The following LSM14B variants were observed in gnomAD, a reference collection of about 807,000 sequenced individuals.
LSM14B encodes the protein protein LSM14 homolog B.
In LSM14B, 8 loss-of-function variants were observed where a neutral mutation model predicts 42.1. The observed-to-expected ratio is 0.19, with a 90% CI of 0.11 to 0.34. The LOEUF (loss-of-function observed/expected upper bound fraction) is 0.34, where lower values mean the gene tolerates loss of function less well. Ranked by LOEUF, LSM14B falls within the 10% of genes least tolerant of loss-of-function variation. The pLI is 1.00. For missense variants in LSM14B, 396 were observed against 513.1 expected (o/e 0.77, Z 2.21); for synonymous variants, 219 against 209.7 (o/e 1.04, Z -0.38).
chr20:62,127,574 T>C (rs1350989956), intron 3 of LSM14B: 2 of 1,538,434 alleles, frequency 1.3e-6, no homozygotes, highest in Non-Finnish European at 1.8e-6. Context: ...TTCTCCTTTA[T>C]CTTCCTTTAG....
At position 62,130,139 on chromosome 20, in the gene LSM14B, G is replaced by A; in HGVS notation, c.596-80G>A. On this transcript the variant is annotated intron_variant, in intron 4 of 8. Coordinates refer to ENST00000279068, the MANE Select transcript of LSM14B (RefSeq NM_144703.3). The surrounding 1 kb of genome is among the most constrained non-coding windows in gnomAD (Gnocchi z 4.1). The stretch of plus-strand genomic sequence containing the variant: ...CGCCCTGGCCGCGTGCCCCATGGTG[G>A]TGGGGCCTGCTTCCACAGCTGGGTT... 3 of 1,517,228 alleles carry A rather than the reference G, an allele frequency of 2.0e-6. No individual in the cohort carries two copies. The highest frequency in any genetic ancestry group is 2.7e-6 in the Non-Finnish European group (3 of 1,117,982). The allele number at this position is 1,517,228 out of a possible 1,614,324, so 94.0% of individuals were successfully genotyped here.
At chr20:62,124,873 A>T in intron 2 of LSM14B, 93 bp downstream of exon 2, 9 of 1,225,520 alleles carry the variant, frequency 7.3e-6, no homozygotes, top group Non-Finnish European at 8.7e-6. Flanking sequence ...GCTCAATGTG[A>T]GGAATAACCT....
In LSM14B at chr20:62,131,416, C is replaced by T. The variant is rs367612795; in HGVS notation, c.896C>T (p.Ala299Val). The change falls in exon 7 of 9, where the codon GCG (alanine) becomes GTG (valine). Residue 299 changes from alanine to valine, a missense_variant. Physicochemically the swap from Ala to Val is moderately conservative, Grantham distance 64. Coordinates refer to ENST00000279068, the MANE Select transcript of LSM14B (RefSeq NM_144703.3). The part of the protein sequence containing the change: ...DLAVVTQSAE[A>V]PAEEDLLGPN... The stretch of plus-strand genomic sequence containing the variant: ...GCTGTGGTGACCCAGAGTGCCGAAG[C>T]GCCCGCTGAGGAAGACCTTCTGGGG... The T allele has an allele frequency of 2.4e-5, 38 of 1,613,362 alleles. No homozygotes were observed. The highest frequency in any genetic ancestry group is 5.3e-5 in the African/African-American group (4 of 75,052).
intron 1 of LSM14B, chr20:62,123,027 C>G (rs927856985): frequency 8.5e-6 from 2 of 235,922 alleles, no homozygotes; most frequent in Non-Finnish European, 1.6e-5. Context: ...ACAATGGTCT[C>G]CCTGGGCTCC....
Position 62,122,836 on chromosome 20 carries a change from C to T in LSM14B, c.127+43C>T, listed in dbSNP as rs373503997. On this transcript the variant is annotated intron_variant, in intron 1 of 8. Transcript: ENST00000279068. This position sits in a 1 kb window ranked among gnomAD's most constrained non-coding sequence, Gnocchi z 4.6. Reference sequence around the variant, plus strand: ...CCCGAGCCCGCTGACCCCCGTCCGCCAACAGCCCCGGCCTGCGGTGCCCTC... The same window carrying T: ...CCCGAGCCCGCTGACCCCCGTCCGCTAACAGCCCCGGCCTGCGGTGCCCTC... 69 of 1,449,676 alleles carry T rather than the reference C, an allele frequency of 4.8e-5. No individual in the cohort carries two copies. Among genetic ancestry groups the T allele is most frequent in the Non-Finnish European group, 6.0e-5 (65 of 1,086,550 alleles). The allele number at this position is 1,449,676 out of a possible 1,614,324, so 89.8% of individuals were successfully genotyped here.
At position 62,134,165 on chromosome 20, in the gene LSM14B, T is replaced by C; in HGVS notation, c.*17T>C. 2.2e-6 allele frequency: 1 copy of C among 459,998 alleles called. No homozygotes were observed. Among genetic ancestry groups the C allele is most frequent in the Admixed American group, 2.5e-5 (1 of 40,680 alleles). 28.5% of individuals were successfully genotyped at this position (459,998 alleles called of 1,614,324 possible). A position where few individuals can be genotyped will look rare whatever the true frequency, so the allele number is the denominator to read the frequency against. ...TGACTTCCTGTCATCTCTTGCAGGC[T>C]CCTACTGAAGTGGCGCATAACTGAC... On this transcript the variant is annotated splice_region_variant and 3_prime_UTR_variant, in exon 9 of 9. Coordinates refer to ENST00000279068, the MANE Select transcript of LSM14B (RefSeq NM_144703.3).
intron 3 of LSM14B, among the ~76,000 whole-genome samples, chr20:62,129,447 A>T (rs1379872053): frequency 6.6e-6 from 1 of 152,138 alleles, no homozygotes; most frequent in East Asian, 1.9e-4. Flanking sequence ...GTTTTAAGAA[A>T]GCTGTTTCCA....
chr20:62,127,435 C>A, intron 3 of LSM14B: 1 of 632,494 alleles, frequency 1.6e-6, no homozygotes. Context: ...GCCTTCCCAG[C>A]CCAGCTCTCT....
rs371810932 is a variant in LSM14B, at chr20:62,126,448, C to T, written c.427+9C>T. The T allele has an allele frequency of 3.1e-6, 5 of 1,606,212 alleles. No individual in the cohort carries two copies. The highest frequency in any genetic ancestry group is 4.2e-6 in the Non-Finnish European group (5 of 1,179,474). On this transcript the variant is annotated intron_variant, in intron 3 of 8. Transcript: ENST00000279068. ...CGCCTCCCTGGGTCTAGGTGAGTGA[C>T]CTGTTTCTGTCTGGTAAACTACCCT...
chr20:62,124,868 A>G (rs1437650588), intron 2 of LSM14B, 88 bp downstream of exon 2: 2 of 1,317,824 alleles, frequency 1.5e-6, no homozygotes, highest in Non-Finnish European at 2.0e-6. Context: ...AGAACGCTCA[A>G]TGTGAGGAAT....
At chr20:62,132,511 C>T (rs2056795694) in intron 7 of LSM14B, among the ~76,000 whole-genome samples, 1 of 152,204 alleles carries the variant, frequency 6.6e-6, no homozygotes, top group Admixed American at 6.5e-5. Context: ...TGGAACCAGG[C>T]AGTGGTGGTG....
intron 6 of LSM14B, 31 bp from the exon 7 acceptor site, chr20:62,131,325 C>G (rs764281926): frequency 6.4e-7 from 1 of 1,561,476 alleles, no homozygotes; most frequent in Admixed American, 1.9e-5. Context: ...TGCCCCTCCT[C>G]CATCTCCACG....
At position 62,130,292 on chromosome 20, in the gene LSM14B, A is replaced by T. The variant is rs962887767; in HGVS notation, c.669A>T (p.Arg223=). 6.9e-6 allele frequency: 11 copies of T among 1,592,420 alleles called. No individual in the cohort carries two copies. Among genetic ancestry groups the T allele is most frequent in the Non-Finnish European group, 9.4e-6 (11 of 1,169,494 alleles). ...NDENRRPQRR[R]SGNRRTRNRS... ...AGAACAGAAGACCTCAGAGGAGGCGATCAGGTAACACCTGTTGCCACTTGA... is the reference window on the plus strand; with the variant it reads ...AGAACAGAAGACCTCAGAGGAGGCGTTCAGGTAACACCTGTTGCCACTTGA... Residue 223 remains arginine, a synonymous_variant, in exon 5 of 9, where the codon CGA becomes CGT. Transcript: ENST00000279068. This position sits in a 1 kb window ranked among gnomAD's most constrained non-coding sequence, Gnocchi z 4.1.
chr20:62,127,758 G>A (rs902367200), intron 3 of LSM14B: 1 of 1,203,396 alleles, frequency 8.3e-7, no homozygotes, highest in Non-Finnish European at 1.2e-6. Flanking sequence ...GAGAGCGAGG[G>A]GTAAAGCAGC....
Position 62,122,941 on chromosome 20 carries a change from T to G in LSM14B, c.127+148T>G. On this transcript the variant is annotated intron_variant, in intron 1 of 8. Coordinates refer to ENST00000279068, the MANE Select transcript of LSM14B (RefSeq NM_144703.3). The surrounding 1 kb of genome is among the most constrained non-coding windows in gnomAD (Gnocchi z 4.6). ...AGGGCACACCCGGCCCGAGATCCCC[T>G]GCCCGCGCCTTCACCCCGGACGCCC... 4.9e-6 allele frequency: 3 copies of G among 608,214 alleles called. No homozygotes were observed. Among genetic ancestry groups the G allele is most frequent in the Non-Finnish European group, 4.4e-6 (2 of 454,112 alleles). The allele number at this position is 608,214 out of a possible 1,614,324, so 37.7% of individuals were successfully genotyped here. A position where few individuals can be genotyped will look rare whatever the true frequency, so the allele number is the denominator to read the frequency against.
intron 3 of LSM14B, 22 bp from the exon 4 acceptor site, chr20:62,129,763 C>A (rs753431160): frequency 6.3e-7 from 1 of 1,583,802 alleles, no homozygotes; most frequent in Non-Finnish European, 8.6e-7. Flanking sequence ...GTTTTTAAAC[C>A]CTCCTCCCCT....
intron 8 of LSM14B, among the ~76,000 whole-genome samples, chr20:62,133,817 C>T (rs994018475): frequency 5.3e-5 from 8 of 152,218 alleles, no homozygotes; most frequent in Admixed American, 3.3e-4. Flanking sequence ...TGGCCCAACC[C>T]GGCCCTAAGT....
intron 7 of LSM14B, among the ~76,000 whole-genome samples, chr20:62,131,738 T>C (rs562950946): frequency 4.6e-5 from 7 of 152,282 alleles, no homozygotes; most frequent in Admixed American, 2.0e-4. Flanking sequence ...TCCTCTTGGC[T>C]TTGCTGCCCT....
At chr20:62,128,232 C>T (rs570676848) in intron 3 of LSM14B, among the ~76,000 whole-genome samples, 3 of 152,322 alleles carry the variant, frequency 2.0e-5, no homozygotes, top group South Asian at 2.1e-4. Flanking sequence ...GTGGTGGTGG[C>T]GGCACCTGTG....
Sources: gnomAD v4.1 joint callset for allele counts (sites outside exome capture counted in the v4.1 genomes callset) on GRCh38, gnomAD v4.1.1 for gene constraint, Gnocchi (gnomAD v3.1) non-coding constraint, MANE v1.5 for transcripts, NCBI Gene and HGNC (gene_info 2026-07-23, HGNC 2026-07-21) for gene names.